NAA25: variants seen among roughly 807,000 people sequenced by gnomAD.
NAA25 encodes N-alpha-acetyltransferase 25, NatB auxiliary subunit.
Under a neutral mutation model 132.5 loss-of-function variants are expected in NAA25, and 30 were observed. That is an observed-to-expected ratio of 0.23 (90% confidence interval 0.17 to 0.31). The LOEUF (loss-of-function observed/expected upper bound fraction) is 0.31, where lower values mean the gene tolerates loss of function less well. Among genes scored for constraint, NAA25 ranks in the 10% least tolerant of loss-of-function variants. The pLI is 1.00. For synonymous variants in NAA25, 359 were observed against 401.9 expected (o/e 0.89, Z 1.28); for missense variants, 771 against 1,150.4 (o/e 0.67, Z 4.77).
At chr12:112,096,786 G>A (rs1327633080) in intron 1 of NAA25, among the ~76,000 whole-genome samples, 1 of 152,146 alleles carries the variant, frequency 6.6e-6, no homozygotes, top group Non-Finnish European at 1.5e-5. Context: ...ACTTGATGCT[G>A]ATCTCATTCT....
intron 17 of NAA25, among the ~76,000 whole-genome samples, chr12:112,046,353 C>T (rs2078381322): frequency 6.6e-6 from 1 of 152,202 alleles, no homozygotes; most frequent in Admixed American, 6.5e-5. Context: ...TGAGTTCTCC[C>T]GACTGTGCCT....
chr12:112,060,496 G>T (rs938635483), intron 12 of NAA25, 137 bp from the exon 13 acceptor site: 2 of 597,028 alleles, frequency 3.3e-6, no homozygotes, highest in Non-Finnish European at 5.9e-6. Context: ...ATAAGTACCA[G>T]GAGAAAAATA....
In NAA25 at chr12:112,029,445, T is replaced by TCATG; in HGVS notation, c.*82_*85dup. The stretch of plus-strand genomic sequence containing the variant: ...TTTATGAGGAAGTTCTGGATTAAAA[T>TCATG]CATGGTCAACCAGATGTTGCTTTTG... On this transcript the variant is annotated 3_prime_UTR_variant, in exon 24 of 24. Coordinates refer to ENST00000261745, the MANE Select transcript of NAA25 (RefSeq NM_024953.4). The TCATG allele has an allele frequency of 6.3e-7, 1 of 1,588,164 alleles. No individual in the cohort carries two copies.
intron 2 of NAA25, among the ~76,000 whole-genome samples, chr12:112,091,725 T>C (rs1191217105): frequency 6.8e-6 from 1 of 148,060 alleles, no homozygotes; most frequent in East Asian, 2.0e-4. Context: ...AAGCCAGGCA[T>C]GGTGGTACAC....
chr12:112,089,637 G>A (rs903480703), intron 3 of NAA25, among the ~76,000 whole-genome samples: 1 of 152,066 alleles, frequency 6.6e-6, no homozygotes, highest in Non-Finnish European at 1.5e-5. Flanking sequence ...TTAAAGGGAA[G>A]CAAGAGAATA....
chr12:112,074,363 AAGG>A (rs1389420061), intron 9 of NAA25, among the ~76,000 whole-genome samples: 1 of 150,904 alleles, frequency 6.6e-6, no homozygotes, highest in Non-Finnish European at 1.5e-5. Flanking sequence ...AAAAAAAAAA[AAGG>A]AGAAAAAGAA....
At chr12:112,098,836 C>T (rs188966797) in intron 1 of NAA25, among the ~76,000 whole-genome samples, 26 of 152,290 alleles carry the variant, frequency 1.7e-4, no homozygotes, top group Admixed American at 6.5e-4. Flanking sequence ...CAGCTCACTG[C>T]AACCTCCGCC....
At chr12:112,092,679 C>T (rs773643774) in intron 2 of NAA25, among the ~76,000 whole-genome samples, 1 of 149,512 alleles carries the variant, frequency 6.7e-6, no homozygotes, top group South Asian at 2.1e-4. Context: ...CTTTCTCCCC[C>T]CCCTTTTTTT....
chr12:112,103,842 G>A (rs902799973), intron 1 of NAA25, among the ~76,000 whole-genome samples: 2 of 152,140 alleles, frequency 1.3e-5, no homozygotes, highest in Non-Finnish European at 2.9e-5. Context: ...AGTCTCATAA[G>A]GAGCGCCAAC....
In NAA25 at chr12:112,042,106, T is replaced by C; in HGVS notation, c.2375-2A>G. The C allele has an allele frequency of 7.0e-7, 1 of 1,437,992 alleles. No individual in the cohort carries two copies. The highest frequency in any genetic ancestry group is 9.2e-7 in the Non-Finnish European group (1 of 1,082,906). 89.1% of individuals were successfully genotyped at this position (1,437,992 alleles called of 1,614,324 possible). ...GTTCCTGAATCTCCATTGTATCCTC[T>C]AAAATTGAAAAACAAAAAATGAAAA... is the stretch of plus-strand genomic sequence containing the variant. On this transcript the variant is annotated splice_acceptor_variant, in intron 19 of 23. Coordinates refer to ENST00000261745, the MANE Select transcript of NAA25 (RefSeq NM_024953.4). LOFTEE classifies it high-confidence loss of function.
chr12:112,053,152 T>C (rs985921665), intron 15 of NAA25, among the ~76,000 whole-genome samples: 1 of 152,228 alleles, frequency 6.6e-6, no homozygotes, highest in Non-Finnish European at 1.5e-5. Flanking sequence ...AAGAGCACAA[T>C]GGACATACAT....
In NAA25 at chr12:112,027,455, T is replaced by C. The variant is rs528570708; in HGVS notation, c.*2076A>G. On this transcript the variant is annotated 3_prime_UTR_variant, in exon 24 of 24. Coordinates refer to ENST00000261745, the MANE Select transcript of NAA25 (RefSeq NM_024953.4). ...CTCAAAATGTGAAAGCTGGATCTAA[T>C]TGAAATGCTACATTTAGTAGGAAAA... The C allele has an allele frequency of 2.6e-5, 4 of 152,718 alleles. No individual in the cohort carries two copies. The highest frequency in any genetic ancestry group is 2.1e-4 in the South Asian group (1 of 4,830). The allele number at this position is 152,718 out of a possible 1,614,324, so 9.5% of individuals were successfully genotyped here.
chr12:112,061,974 T>C (rs557510599), intron 11 of NAA25, among the ~76,000 whole-genome samples: 1 of 152,280 alleles, frequency 6.6e-6, no homozygotes, highest in South Asian at 2.1e-4. Context: ...CCTTAAAATG[T>C]TTTTCATCCT....
At chr12:112,086,085 C>T (rs1260352036) in intron 4 of NAA25, among the ~76,000 whole-genome samples, 7 of 116,584 alleles carry the variant, frequency 6.0e-5, no homozygotes, top group Non-Finnish European at 9.9e-5. Flanking sequence ...CACACACACA[C>T]ACACACACAC....
Position 112,055,325 on chromosome 12 carries a change from C to G in NAA25, c.1448-757G>C, listed in dbSNP as rs369580799. On this transcript the variant is annotated intron_variant, in intron 13 of 23. Transcript: ENST00000261745. ...AATAATGTTCAGTAAAACACACACA[C>G]AGAAAATTCAAGTTAGTACAAAGAG... 1.7e-4 allele frequency among the ~76,000 whole-genome samples: 26 copies of G among 152,166 alleles called. No homozygotes were observed. The East Asian group carries it at 3.5e-3, about 20-fold the overall frequency.
chr12:112,059,244 C>T (rs930085832), intron 13 of NAA25, among the ~76,000 whole-genome samples: 5 of 151,862 alleles, frequency 3.3e-5, no homozygotes, highest in Non-Finnish European at 7.4e-5. Flanking sequence ...TGCACTCGAG[C>T]CTGGGCAACA....
At chr12:112,050,474 A>T (rs2078447740) in intron 15 of NAA25, among the ~76,000 whole-genome samples, 1 of 151,304 alleles carries the variant, frequency 6.6e-6, no homozygotes, top group South Asian at 2.1e-4. Flanking sequence ...CTGAATAATG[A>T]CCTTTGTGAA....
intron 9 of NAA25, 22 bp from the exon 10 acceptor site, chr12:112,072,086 A>G (rs757082065): frequency 6.5e-7 from 1 of 1,543,162 alleles, no homozygotes; most frequent in South Asian, 1.1e-5. Flanking sequence ...CACATGAAAA[A>G]GGAATTTTAT....
In NAA25 at chr12:112,047,720, C is replaced by T; in HGVS notation, c.1951G>A (p.Asp651Asn). 1 of 1,614,058 alleles carries T rather than the reference C, an allele frequency of 6.2e-7. No homozygotes were observed. The highest frequency in any genetic ancestry group is 8.5e-7 in the Non-Finnish European group (1 of 1,179,960). ...TTTAAGTCTCTGTTGTCTCGCAAATCTTCCCATGGAATGTCATCTTCTTCT... is the reference window on the plus strand; with the variant it reads ...TTTAAGTCTCTGTTGTCTCGCAAATTTTCCCATGGAATGTCATCTTCTTCT... Reference protein sequence around the residue: ...RPEEDDIPWEDLRDNRDLNVF... With the variant: ...RPEEDDIPWENLRDNRDLNVF... Residue 651 changes from aspartate (D) to asparagine (N), a missense_variant, in exon 17 of 24, where the codon GAT (aspartate) becomes AAT (asparagine). Around this residue, in one of 3 missense-constraint regions of NAA25, gnomAD observed 324 missense variants for 400.0 expected, o/e 0.81. Transcript: ENST00000261745.
Sources: allele counts gnomAD v4.1 joint callset (sites outside exome capture counted in the v4.1 genomes callset), GRCh38; gene constraint gnomAD v4.1.1; regional missense constraint gnomAD v4.1.1; transcripts MANE v1.5; gene names NCBI Gene and HGNC (gene_info 2026-07-23, HGNC 2026-07-21).